Variants in EIF2D observed in about 807,000 individuals in gnomAD.
EIF2D encodes eukaryotic translation initiation factor 2D.
A neutral mutation model predicts 77.4 loss-of-function variants in EIF2D; 56 were observed. The observed-to-expected ratio is 0.72, with a 90% CI of 0.58 to 0.90. The LOEUF (loss-of-function observed/expected upper bound fraction) is 0.90, where lower values mean the gene tolerates loss of function less well. Ranked by LOEUF, EIF2D falls within the 40% of genes least tolerant of loss-of-function variation. The pLI is 0.00. For synonymous variants in EIF2D, 230 were observed against 271.0 expected (o/e 0.85, Z 1.49); for missense variants, 574 against 706.5 (o/e 0.81, Z 2.13).
downstream of EIF2D, among the ~76,000 whole-genome samples, chr1:206,570,660 T>C (rs1258480893): frequency 6.7e-6 from 1 of 150,174 alleles, no homozygotes; most frequent in Non-Finnish European, 1.5e-5. Context: ...GTATTAATCC[T>C]TTTGTGACTG....
At chr1:206,571,532 G>A (rs1362929806) in intron 5 of EIF2D, 2 of 152,208 alleles carry the variant, frequency 1.3e-5, no homozygotes, top group African/African-American at 4.8e-5. Flanking sequence ...GTCACTGACT[G>A]TGGTGTGCTC....
rs183822773 is a variant in EIF2D, at chr1:206,596,423, G to A, written c.1389-585C>T. Among the ~76,000 whole-genome samples, 52 of 152,258 alleles carry A rather than the reference G, an allele frequency of 3.4e-4. No individual in the cohort carries two copies. The East Asian group carries it at 7.3e-3, about 21-fold the overall frequency. On this transcript the variant is annotated intron_variant, in intron 12 of 14. Transcript: ENST00000271764. Reference sequence around the variant, plus strand: ...TCTGCCATTATAGCATAAAACCAGCGCACAGACAACACATAAATGGATATG... The same window carrying A: ...TCTGCCATTATAGCATAAAACCAGCACACAGACAACACATAAATGGATATG...
downstream of EIF2D, chr1:206,587,507 G>A (rs1192502131): frequency 5.9e-6 from 1 of 168,614 alleles, no homozygotes; most frequent in African/African-American, 2.4e-5. Flanking sequence ...CAAGGTGCCT[G>A]TTGTTCACAC....
intron 12 of EIF2D, 47 bp from the exon 13 acceptor site, chr1:206,595,885 C>G (rs781843962): frequency 1.2e-6 from 2 of 1,605,198 alleles, no homozygotes; most frequent in Non-Finnish European, 1.7e-6. Context: ...CAACAGAAAC[C>G]ATTTCCTCAT....
chr1:206,610,508 G>A (rs983342010), intron 2 of EIF2D, among the ~76,000 whole-genome samples: 2 of 152,116 alleles, frequency 1.3e-5, no homozygotes, highest in South Asian at 4.1e-4. Context: ...GACAGAGTAA[G>A]ACCTTGTCTC....
chr1:206,570,973 A>C (rs1668432262), downstream of EIF2D, among the ~76,000 whole-genome samples: 1 of 152,206 alleles, frequency 6.6e-6, no homozygotes. Flanking sequence ...TTGCTGGATC[A>C]CATGGTAATT....
chr1:206,587,162 C>T (rs75182455), downstream of EIF2D: 6,053 of 666,018 alleles, frequency 9.1e-3, 44 homozygotes, highest in Non-Finnish European at 0.012. Context: ...GCTGTGCCCG[C>T]CCCCAGGCTG....
chr1:206,593,754 G>A lies in EIF2D; in HGVS notation c.1549C>T (p.Pro517Ser). The A allele has an allele frequency of 6.2e-7, 1 of 1,611,154 alleles. No homozygotes were observed. Among genetic ancestry groups the A allele is most frequent in the Non-Finnish European group, 8.5e-7 (1 of 1,178,110 alleles). The change falls in exon 14 of 15, where the codon CCA becomes TCA. Residue 517 changes from proline to serine, a missense_variant. Pro to Ser is a moderately conservative substitution (Grantham distance 74, BLOSUM62 -1). Coordinates refer to ENST00000271764, the MANE Select transcript of EIF2D (RefSeq NM_006893.3). ...TGAAGGATGGCAGCCACTGAGTATGGGTCCAGACCATAGGCCTCCAAGTTC... is the reference window on the plus strand; with the variant it reads ...TGAAGGATGGCAGCCACTGAGTATGAGTCCAGACCATAGGCCTCCAAGTTC... ...VRNLEAYGLD[P>S]YSVAAILQQR...
chr1:206,605,193 T>A, intron 5 of EIF2D: 1 of 450,808 alleles, frequency 2.2e-6, no homozygotes, highest in African/African-American at 2.0e-5. Context: ...ATTCTATAAT[T>A]CACTTAGAAA....
chr1:206,606,224 A>G (rs1670197561), intron 4 of EIF2D, among the ~76,000 whole-genome samples: 1 of 152,232 alleles, frequency 6.6e-6, no homozygotes, highest in African/African-American at 2.4e-5. Flanking sequence ...TAAGCCTGGC[A>G]AGGTAGCCAG....
chr1:206,572,455 A>G lies in EIF2D; in HGVS notation c.*359+140T>C, dbSNP rs573058695. The G allele has an allele frequency of 5.9e-5, 9 of 152,342 alleles. No homozygotes were observed. In the South Asian group the frequency reaches 1.2e-3, roughly 21 times the overall value. The allele number at this position is 152,342 out of a possible 1,614,324, so 9.4% of individuals were successfully genotyped here. ...ATGGTGCCCCTGGGATGCAGCAGAG[A>G]GGAAGGGAGTCTGTCCAGACCTGGG... On this transcript the variant is annotated intron_variant and NMD_transcript_variant, in intron 5 of 5. Coordinates refer to the EIF2D transcript ENST00000472709.
At chr1:206,593,488 C>CGAGCGA (rs1350237249) in intron 14 of EIF2D, 131 bp downstream of exon 14, 12 of 307,568 alleles carry the variant, frequency 3.9e-5, no homozygotes, top group African/African-American at 3.3e-4. Flanking sequence ...AGAGAGAGAG[C>CGAGCGA]GAGAGAGAGA....
chr1:206,610,469 C>G (rs920526440), intron 2 of EIF2D, among the ~76,000 whole-genome samples: 4 of 152,060 alleles, frequency 2.6e-5, no homozygotes, highest in African/African-American at 9.7e-5. Flanking sequence ...CAGTTAGCTA[C>G]GATCACACCA....
At chr1:206,586,881 A>G, downstream of EIF2D, 1 of 1,614,192 alleles carries the variant, frequency 6.2e-7, no homozygotes, top group Non-Finnish European at 8.5e-7. Flanking sequence ...CTGGAAAAAG[A>G]GGAGCAGGAC....
chr1:206,608,100 C>T, intron 4 of EIF2D, 136 bp downstream of exon 4: 1 of 642,780 alleles, frequency 1.6e-6, no homozygotes, highest in Non-Finnish European at 2.6e-6. Flanking sequence ...CATTCTCCTG[C>T]TGGCCCACTC....
At chr1:206,596,751 A>G (rs1553410151) in intron 12 of EIF2D, among the ~76,000 whole-genome samples, 1 of 152,064 alleles carries the variant, frequency 6.6e-6, no homozygotes, top group Non-Finnish European at 1.5e-5. Flanking sequence ...AGTGACATGA[A>G]AATGGCTCAA....
At chr1:206,593,376 T>A (rs1022166664) in intron 14 of EIF2D, among the ~76,000 whole-genome samples, 1 of 151,718 alleles carries the variant, frequency 6.6e-6, no homozygotes, top group East Asian at 1.9e-4. Context: ...ACTCTAATAG[T>A]GGAAGAGAAA....
At position 206,584,320 on chromosome 1, in the gene EIF2D, C is replaced by G; in HGVS notation, c.139-3158G>C. On this transcript the variant is annotated intron_variant and NMD_transcript_variant, in intron 2 of 5. Coordinates refer to the EIF2D transcript ENST00000472709. This position sits in a 1 kb window ranked among gnomAD's most constrained non-coding sequence, Gnocchi z 4.9. ...GGTGGGTGCTGCTGGGGCAATGGCC[C>G]CGAGTGGCAGATATGATCATGCAAG... 1 of 1,494,844 alleles carries G rather than the reference C, an allele frequency of 6.7e-7. No individual in the cohort carries two copies. Among genetic ancestry groups the G allele is most frequent in the Non-Finnish European group, 9.0e-7 (1 of 1,105,982 alleles). 92.6% of individuals were successfully genotyped at this position (1,494,844 alleles called of 1,614,324 possible).
chr1:206,610,275 T>A (rs1553413633), intron 2 of EIF2D, among the ~76,000 whole-genome samples: 1 of 152,198 alleles, frequency 6.6e-6, no homozygotes, highest in African/African-American at 2.4e-5. Flanking sequence ...TCCCAACACT[T>A]CGGGAGACTG....
Sources: allele counts gnomAD v4.1 joint callset (sites outside exome capture counted in the v4.1 genomes callset), GRCh38; gene constraint gnomAD v4.1.1; non-coding constraint Gnocchi (gnomAD v3.1); transcripts MANE v1.5; gene names NCBI Gene and HGNC (gene_info 2026-07-23, HGNC 2026-07-21).